The following CFAP54 variants were observed in gnomAD, a reference collection of about 807,000 sequenced individuals.
CFAP54 encodes the protein cilia and flagella associated protein 54.
Under a neutral mutation model 370.4 loss-of-function variants are expected in CFAP54, and 290 were observed. The observed-to-expected ratio is 0.78, with a 90% CI of 0.71 to 0.86. CFAP54 has a LOEUF of 0.86. Ranked by LOEUF, CFAP54 falls within the 40% of genes least tolerant of loss-of-function variation. CFAP54 has a pLI of 0.00. For synonymous variants in CFAP54, 1,206 were observed against 1,236.5 expected (o/e 0.98, Z 0.52); for missense variants, 3,399 against 3,528.7 (o/e 0.96, Z 0.93).
chr12:96,834,215 A>G (rs1276983275), intron 66 of CFAP54, among the ~76,000 whole-genome samples: 1 of 152,246 alleles, frequency 6.6e-6, no homozygotes. Context: ...ACAGCTAGAG[A>G]GAGACACAGT....
intron 38 of CFAP54, among the ~76,000 whole-genome samples, chr12:96,662,433 G>A (rs544951798): frequency 5.9e-5 from 9 of 152,036 alleles, no homozygotes; most frequent in Non-Finnish European, 1.2e-4. Context: ...TTGAACTCCT[G>A]ACCTCAGGTG....
At chr12:96,661,239 C>A (rs1197185478) in intron 38 of CFAP54, among the ~76,000 whole-genome samples, 2 of 152,166 alleles carry the variant, frequency 1.3e-5, no homozygotes, top group African/African-American at 2.4e-5. Context: ...TATCCTGAAG[C>A]TACCTAGGGG....
At chr12:96,626,761 A>G (rs1956553174) in intron 29 of CFAP54, 52 bp from the exon 30 acceptor site, 5 of 1,068,936 alleles carry the variant, frequency 4.7e-6, no homozygotes, top group Non-Finnish European at 3.7e-6. Context: ...ACCCTTTGGT[A>G]CTAATAATTG....
At chr12:96,850,637 A>G (rs1959514713) in intron 66 of CFAP54, among the ~76,000 whole-genome samples, 1 of 152,162 alleles carries the variant, frequency 6.6e-6, no homozygotes, top group Non-Finnish European at 1.5e-5. Context: ...GGGTGTGTAT[A>G]TTAGTTCATT....
chr12:96,646,380 A>T (rs1956791923), intron 33 of CFAP54: 1 of 152,198 alleles, frequency 6.6e-6, no homozygotes, highest in Non-Finnish European at 1.5e-5. Flanking sequence ...GAAAAATGCA[A>T]ATCAAAACCA....
At chr12:96,602,897 T>C (rs1446165839) in intron 26 of CFAP54, among the ~76,000 whole-genome samples, 1 of 152,206 alleles carries the variant, frequency 6.6e-6, no homozygotes, top group Admixed American at 6.5e-5. Context: ...CAATGGGTCT[T>C]GACCCTTTAT....
chr12:96,537,745 T>C (rs974311466), intron 12 of CFAP54, among the ~76,000 whole-genome samples: 1 of 152,140 alleles, frequency 6.6e-6, no homozygotes, highest in East Asian at 1.9e-4. Context: ...TAAAAATGTT[T>C]GGGAATTTTC....
rs763652728 is a variant in CFAP54, at chr12:96,651,622, T to A, written c.4907T>A (p.Leu1636His). The A allele has an allele frequency of 6.2e-7, 1 of 1,614,220 alleles. No homozygotes were observed. Among genetic ancestry groups the A allele is most frequent in the South Asian group, 1.1e-5 (1 of 91,086 alleles). The change falls in exon 36 of 68, where the codon CTT (leucine) becomes CAT (histidine). Residue 1636 changes from leucine (L) to histidine (H), a missense_variant. Physicochemically the swap from Leu to His is moderately conservative, Grantham distance 99 (BLOSUM62 -3). Coordinates refer to ENST00000524981, the MANE Select transcript of CFAP54 (RefSeq NM_001306084.2). ...LAHRGGYWTL[L>H]QNCCRALWNF... is the part of the protein sequence containing the mutation. ...CATCGTGGTGGCTATTGGACTCTGC[T>A]TCAGAACTGCTGTCGGGCCTTATGG...
intron 1 of CFAP54, among the ~76,000 whole-genome samples, chr12:96,494,271 C>T (rs188834883): frequency 6.6e-6 from 1 of 151,552 alleles, no homozygotes; most frequent in Non-Finnish European, 1.5e-5. Flanking sequence ...GCATTTATTC[C>T]ATTGGGTAGT....
chr12:96,716,862 T>G (rs1452607867), intron 48 of CFAP54, among the ~76,000 whole-genome samples: 1 of 152,164 alleles, frequency 6.6e-6, no homozygotes, highest in Non-Finnish European at 1.5e-5. Context: ...GAGAGGAGTA[T>G]GCATATAAGT....
intron 59 of CFAP54, among the ~76,000 whole-genome samples, 180 bp from the exon 60 acceptor site, chr12:96,764,897 C>G (rs1958383291): frequency 6.6e-6 from 1 of 152,124 alleles, no homozygotes. Context: ...ATTTGTTTGA[C>G]TATGATATAT....
chr12:96,499,597 C>G (rs1198382397), intron 1 of CFAP54, among the ~76,000 whole-genome samples: 2 of 152,048 alleles, frequency 1.3e-5, no homozygotes, highest in South Asian at 4.1e-4. Context: ...AACATTCACC[C>G]CTTGTGCTCC....
At chr12:96,704,022 A>G (rs1957519213) in intron 46 of CFAP54, among the ~76,000 whole-genome samples, 1 of 152,246 alleles carries the variant, frequency 6.6e-6, no homozygotes, top group Non-Finnish European at 1.5e-5. Flanking sequence ...GGCTACATTC[A>G]TAGGATAAAG....
At chr12:96,620,422 G>T (rs1322911945) in intron 26 of CFAP54, among the ~76,000 whole-genome samples, 1 of 152,102 alleles carries the variant, frequency 6.6e-6, no homozygotes, top group Non-Finnish European at 1.5e-5. Context: ...CCCTATACAG[G>T]CCCTCTTGCT....
intron 39 of CFAP54, among the ~76,000 whole-genome samples, chr12:96,670,294 C>T (rs1468260173): frequency 6.6e-6 from 1 of 151,994 alleles, no homozygotes; most frequent in South Asian, 2.1e-4. Flanking sequence ...TATAACAACC[C>T]CAATAAAAGA....
At chr12:96,727,317 C>T (rs1266474464) in intron 50 of CFAP54, among the ~76,000 whole-genome samples, 5 of 151,728 alleles carry the variant, frequency 3.3e-5, no homozygotes, top group African/African-American at 4.9e-5. Flanking sequence ...GTCTAAGTCT[C>T]TTTGTAGGTC....
At chr12:96,747,880 A>G (rs989735104) in intron 55 of CFAP54, among the ~76,000 whole-genome samples, 1 of 152,164 alleles carries the variant, frequency 6.6e-6, no homozygotes, top group African/African-American at 2.4e-5. Context: ...AGTTGCTGTT[A>G]TTTCTTACAT....
Position 96,817,817 on chromosome 12 carries a change from A to ATG in CFAP54, c.9000_9001insTG (p.Ala3001TrpfsTer21). The ATG allele has an allele frequency of 6.6e-7, 1 of 1,510,832 alleles. No homozygotes were observed. Among genetic ancestry groups the ATG allele is most frequent in the Non-Finnish European group, 8.8e-7 (1 of 1,132,430 alleles). The allele number at this position is 1,510,832 out of a possible 1,614,324, so 93.6% of individuals were successfully genotyped here. On this transcript the variant is annotated frameshift_variant, in exon 65 of 68. Coordinates refer to ENST00000524981, the MANE Select transcript of CFAP54 (RefSeq NM_001306084.2). LOFTEE classifies it high-confidence loss of function. ...AGAAATTATCTAATCTTGCTCAAAT[A>ATG]GCTGAACTATCATTGCCAGCAGCTC...
intron 17 of CFAP54, among the ~76,000 whole-genome samples, chr12:96,558,171 A>G (rs1280518729): frequency 1.3e-5 from 2 of 152,214 alleles, no homozygotes; most frequent in Non-Finnish European, 2.9e-5. Context: ...TTTAAAACAT[A>G]CATACATGAT....
Sources: gnomAD v4.1 joint callset for allele counts (sites outside exome capture counted in the v4.1 genomes callset) on GRCh38, gnomAD v4.1.1 for gene constraint, MANE v1.5 for transcripts, NCBI Gene and HGNC (gene_info 2026-07-23, HGNC 2026-07-21) for gene names.